PDE1A: variants seen among roughly 807,000 people sequenced by gnomAD.
PDE1A encodes phosphodiesterase 1A.
A neutral mutation model predicts 61.7 loss-of-function variants in PDE1A; 35 were observed. The observed-to-expected ratio is 0.57, with a 90% confidence interval of 0.43 to 0.75. The LOEUF (loss-of-function observed/expected upper bound fraction) is 0.75, where lower values mean the gene tolerates loss of function less well. Among genes scored for constraint, PDE1A ranks in the 30% least tolerant of loss-of-function variants. The pLI, the probability that PDE1A is intolerant of heterozygous loss-of-function variation, is 0.00. For synonymous variants in PDE1A, 232 were observed against 213.2 expected, an observed-to-expected ratio of 1.09 and a Z score of -0.77; for missense variants, 597 against 630.6, an observed-to-expected ratio of 0.95 and a Z score of 0.57.
chr2:182,420,726 G>A (rs1467799632), intron 1 of PDE1A, among the ~76,000 whole-genome samples: 1 of 152,086 alleles, frequency 6.6e-6, no homozygotes, highest in Non-Finnish European at 1.5e-5. Flanking sequence ...CAGAACTAAT[G>A]CTTCTACATA....
At chr2:182,493,374 C>T (rs1688514219) in intron 2 of PDE1A, among the ~76,000 whole-genome samples, 3 of 151,884 alleles carry the variant, frequency 2.0e-5, no homozygotes, top group South Asian at 4.2e-4. Flanking sequence ...TGTTGGTGTG[C>T]TGCACCCATT....
chr2:182,454,999 C>T (rs532077066), intron 2 of PDE1A, among the ~76,000 whole-genome samples: 1 of 151,604 alleles, frequency 6.6e-6, no homozygotes, highest in Non-Finnish European at 1.5e-5. Context: ...ATTTTTGCAA[C>T]CTACTCATCT....
chr2:182,714,828 C>T, the PDE1A span, among the ~76,000 whole-genome samples: 1 of 152,018 alleles, frequency 6.6e-6, no homozygotes, highest in Non-Finnish European at 1.5e-5. Context: ...CAAAGTTCTG[C>T]GATTACAAGC....
At chr2:182,565,371 T>C in the PDE1A span, among the ~76,000 whole-genome samples, 1 of 152,186 alleles carries the variant, frequency 6.6e-6, no homozygotes, top group Admixed American at 6.5e-5. Flanking sequence ...AACAGCGGAT[T>C]TTTGTGAACC....
chr2:182,382,354 G>A (rs1024494561), intron 1 of PDE1A, among the ~76,000 whole-genome samples: 1 of 152,184 alleles, frequency 6.6e-6, no homozygotes, highest in Non-Finnish European at 1.5e-5. Flanking sequence ...AGGAAGAAGA[G>A]CAGTCTTTAG....
chr2:182,564,150 C>T, the PDE1A span, among the ~76,000 whole-genome samples: 204 of 151,906 alleles, frequency 1.3e-3, 1 homozygote, highest in Admixed American at 1.6e-3. Context: ...TTCCTAGCCT[C>T]GATGGTCTTT....
Position 182,295,886 on chromosome 2 carries a change from T to TTCCAATATTTGA in PDE1A, c.54-31484_54-31473dup, listed in dbSNP as rs553186443. Among the ~76,000 whole-genome samples the TTCCAATATTTGA allele has an allele frequency of 2.9e-3, 449 of 152,298 alleles. 3 individuals carry two copies. The highest frequency in any genetic ancestry group is 0.011 in the African/African-American group (437 of 41,566). ...AGAAATTAGAATTTATTGGTCACAT[T>TTCCAATATTTGA]TCCAATATTTGAGCATTAGAAAGAA... On this transcript the variant is annotated intron_variant, in intron 1 of 13. Coordinates refer to ENST00000351439, the Ensembl canonical transcript of PDE1A.
intron 2 of PDE1A, among the ~76,000 whole-genome samples, chr2:182,516,708 G>T: frequency 2.8e-5 from 1 of 35,826 alleles, no homozygotes. Context: ...AAGGGAGGAA[G>T]GAAGGAAGGA....
At chr2:182,619,003 G>T in the PDE1A span, among the ~76,000 whole-genome samples, 1 of 150,912 alleles carries the variant, frequency 6.6e-6, no homozygotes, top group Non-Finnish European at 1.5e-5. Flanking sequence ...GCGCCAGTTA[G>T]TGATTAAGTT....
chr2:182,169,288 C>T (rs1378928268), intron 13 of PDE1A, among the ~76,000 whole-genome samples: 1 of 151,746 alleles, frequency 6.6e-6, no homozygotes, highest in African/African-American at 2.4e-5. Context: ...GAATATTGTA[C>T]ATTGAAAAAA....
intron 1 of PDE1A, among the ~76,000 whole-genome samples, chr2:182,327,106 T>C (rs1230906431): frequency 1.3e-5 from 2 of 152,174 alleles, no homozygotes; most frequent in Non-Finnish European, 2.9e-5. Flanking sequence ...GACACTATGG[T>C]ATATAAAACA....
chr2:182,190,789 C>G (rs1685619650), intron 10 of PDE1A, among the ~76,000 whole-genome samples: 1 of 151,952 alleles, frequency 6.6e-6, no homozygotes, highest in Non-Finnish European at 1.5e-5. Flanking sequence ...AACACCGTCT[C>G]TACTATAAAT....
At chr2:182,335,712 A>G (rs2124993380) in intron 1 of PDE1A, among the ~76,000 whole-genome samples, 1 of 152,238 alleles carries the variant, frequency 6.6e-6, no homozygotes. Flanking sequence ...GCATGGGCAA[A>G]TCTTCATGAG....
At chr2:182,194,939 C>G (rs896244316) in intron 10 of PDE1A, among the ~76,000 whole-genome samples, 1 of 151,140 alleles carries the variant, frequency 6.6e-6, no homozygotes, top group Admixed American at 6.6e-5. Flanking sequence ...TGAAAGGTTG[C>G]TCTTGAAAAA....
At chr2:182,176,308 T>C (rs1692779116) in intron 13 of PDE1A, among the ~76,000 whole-genome samples, 1 of 149,516 alleles carries the variant, frequency 6.7e-6, no homozygotes, top group South Asian at 2.1e-4. Flanking sequence ...TGATTTTTCC[T>C]ACCCATGAGC....
the PDE1A span, among the ~76,000 whole-genome samples, chr2:182,533,692 T>A: frequency 6.6e-6 from 1 of 152,072 alleles, no homozygotes; most frequent in Non-Finnish European, 1.5e-5. Flanking sequence ...CAATGGAATA[T>A]CAAAAAATAA....
At chr2:182,654,008 A>T in the PDE1A span, among the ~76,000 whole-genome samples, 1 of 152,168 alleles carries the variant, frequency 6.6e-6, no homozygotes, top group Non-Finnish European at 1.5e-5. Context: ...TATTAAAATA[A>T]TCAGAGTCCC....
chr2:182,217,979 T>C (rs1688356653), intron 7 of PDE1A, among the ~76,000 whole-genome samples: 1 of 151,054 alleles, frequency 6.6e-6, no homozygotes, highest in Non-Finnish European at 1.5e-5. Context: ...CGTATGTTTA[T>C]TGCGGCACTA....
chr2:182,299,225 G>GC (rs1695076071), intron 1 of PDE1A, among the ~76,000 whole-genome samples: 1 of 151,672 alleles, frequency 6.6e-6, no homozygotes, highest in African/African-American at 2.4e-5. Context: ...GGTAATAAAT[G>GC]GAGGCCTGGC....
Sources: allele counts gnomAD v4.1 joint callset (sites outside exome capture counted in the v4.1 genomes callset), GRCh38; gene constraint gnomAD v4.1.1; transcripts MANE v1.5; gene names NCBI Gene and HGNC (gene_info 2026-07-23, HGNC 2026-07-21).